Variants in PLXND1 observed in about 807,000 individuals in gnomAD.
The protein encoded by PLXND1 is plexin D1.
In PLXND1, 54 loss-of-function variants were observed where a neutral mutation model predicts 197.7. The observed-to-expected ratio is 0.27, with a 90% CI of 0.22 to 0.34. The LOEUF (loss-of-function observed/expected upper bound fraction) is 0.34, where lower values mean the gene tolerates loss of function less well. PLXND1 is among the 10% of genes least tolerant of loss of function. The probability of loss-of-function intolerance (pLI) is 1.00; values close to 1 mark genes in which losing one functional copy is unlikely to be tolerated. For missense variants in PLXND1, 2,127 were observed against 2,699.2 expected (o/e 0.79, Z 4.70); for synonymous variants, 1,180 against 1,161.2 (o/e 1.02, Z -0.33).
rs1418027497 is a variant in PLXND1, at chr3:129,558,808, A to AC, written c.5298-234dup. Reference sequence around the variant, plus strand: ...GGCAGGAGCTACAGGGCTTAGCTGTACCCCCCAACCCCCTCCTGAGCCTCC... The same window carrying AC: ...GGCAGGAGCTACAGGGCTTAGCTGTACCCCCCCAACCCCCTCCTGAGCCTCC... On this transcript the variant is annotated intron_variant, in intron 32 of 35. Coordinates refer to ENST00000324093, the MANE Select transcript of PLXND1 (RefSeq NM_015103.3). The surrounding 1 kb of genome is among the most constrained non-coding windows in gnomAD (Gnocchi z 4.1). 4.3e-6 allele frequency: 2 copies of AC among 470,468 alleles called. No individual in the cohort carries two copies. The highest frequency in any genetic ancestry group is 2.8e-5 in the South Asian group (1 of 35,588). 29.1% of individuals were successfully genotyped at this position (470,468 alleles called of 1,614,324 possible). A position where few individuals can be genotyped will look rare whatever the true frequency, so the allele number is the denominator to read the frequency against.
At chr3:129,581,618 C>G (rs1303352309) in intron 8 of PLXND1, among the ~76,000 whole-genome samples, 1 of 152,286 alleles carries the variant, frequency 6.6e-6, no homozygotes, top group Non-Finnish European at 1.5e-5. Context: ...AATTCCAGAT[C>G]CCCACCAAAC....
intron 25 of PLXND1, among the ~76,000 whole-genome samples, chr3:129,564,155 T>A (rs1019080350): frequency 6.6e-6 from 1 of 152,104 alleles, no homozygotes; most frequent in African/African-American, 2.4e-5. Context: ...CAATGGCCCC[T>A]CCCAGGCCCT....
intron 24 of PLXND1, 119 bp from the exon 25 acceptor site, chr3:129,565,657 T>C (rs1290088820): frequency 2.1e-6 from 2 of 965,016 alleles, no homozygotes; most frequent in Non-Finnish European, 1.6e-6. Context: ...TGTGGGTGGG[T>C]CCTGCGAGGG....
At chr3:129,568,591 C>G (rs2085176963) in intron 20 of PLXND1, among the ~76,000 whole-genome samples, 1 of 152,184 alleles carries the variant, frequency 6.6e-6, no homozygotes, top group South Asian at 2.1e-4. Context: ...CTCTGGCACC[C>G]AGGCTGAAGT....
chr3:129,593,322 C>T (rs1002918043), intron 1 of PLXND1, among the ~76,000 whole-genome samples: 1 of 152,222 alleles, frequency 6.6e-6, no homozygotes, highest in African/African-American at 2.4e-5. Flanking sequence ...CTGGAATGTG[C>T]CCACACCTCA....
Position 129,577,221 on chromosome 3 carries a change from ACCG to A in PLXND1, c.2346+1105_2346+1107del. 6.6e-6 allele frequency among the ~76,000 whole-genome samples: 1 copy of A among 151,920 alleles called. No homozygotes were observed. Among genetic ancestry groups the A allele is most frequent in the East Asian group, 2.0e-4 (1 of 5,124 alleles). On this transcript the variant is annotated intron_variant, in intron 9 of 35. Transcript: ENST00000324093. This position sits in a 1 kb window ranked among gnomAD's most constrained non-coding sequence, Gnocchi z 5.0. Reference sequence around the variant, plus strand: ...GTGTAGGCTCAGCAAACAGGCCCCCACCGCTGGGCCTGACTTCAGTGTTCTAGG... The same window carrying A: ...GTGTAGGCTCAGCAAACAGGCCCCCACTGGGCCTGACTTCAGTGTTCTAGG...
chr3:129,606,609 G>A lies in PLXND1; in HGVS notation c.31C>T (p.Leu11Phe), dbSNP rs1345242409. ...CTGGCGGCGGCGGCCCGGGCGCTAA[G>A]GGGTGCGCCGCCCGCGGCGCGAGGA... Reference protein sequence around the residue: MAPRAAGGAPLSARAAAASPP... With the variant: MAPRAAGGAPFSARAAAASPP... The change falls in exon 1 of 36, where the codon CTT becomes TTT. Residue 11 changes from leucine (L) to phenylalanine (F), a missense_variant. Leu to Phe is a conservative substitution (Grantham distance 22). Coordinates refer to ENST00000324093, the MANE Select transcript of PLXND1 (RefSeq NM_015103.3). 1 of 1,180,058 alleles carries A rather than the reference G, an allele frequency of 8.5e-7. No homozygotes were observed. Among genetic ancestry groups the A allele is most frequent in the Non-Finnish European group, 1.0e-6 (1 of 955,262 alleles). 73.1% of individuals were successfully genotyped at this position (1,180,058 alleles called of 1,614,324 possible). A position where few individuals can be genotyped will look rare whatever the true frequency, so the allele number is the denominator to read the frequency against.
At chr3:129,603,317 T>C (rs1402011409) in intron 1 of PLXND1, among the ~76,000 whole-genome samples, 1 of 152,012 alleles carries the variant, frequency 6.6e-6, no homozygotes, top group African/African-American at 2.4e-5. Context: ...CTCAGCTGGG[T>C]GAGTCACTGC....
rs892679856 is a variant in PLXND1, at chr3:129,555,549, A to AT, written c.*762_*763insA. Reference sequence around the variant, plus strand: ...CGTTTTTTAATATATAAAAGCTTTAAAAAAAAAAGTGGTGCTATCTTTAGA... The same window carrying AT: ...CGTTTTTTAATATATAAAAGCTTTAATAAAAAAAAGTGGTGCTATCTTTAGA... On this transcript the variant is annotated 3_prime_UTR_variant, in exon 36 of 36. Transcript: ENST00000324093. 4 of 659,364 alleles carry AT rather than the reference A, an allele frequency of 6.1e-6. No individual in the cohort carries two copies. Among genetic ancestry groups the AT allele is most frequent in the African/African-American group, 5.6e-5 (3 of 53,654 alleles). 40.8% of individuals were successfully genotyped at this position (659,364 alleles called of 1,614,324 possible). A position where few individuals can be genotyped will look rare whatever the true frequency, so the allele number is the denominator to read the frequency against.
chr3:129,570,216 G>A (rs1176651952), intron 19 of PLXND1, among the ~76,000 whole-genome samples: 1 of 152,164 alleles, frequency 6.6e-6, no homozygotes, highest in African/African-American at 2.4e-5. Flanking sequence ...AGCCTGGGAG[G>A]AGTAGTGAGT....
rs1264967258 is a variant in PLXND1, at chr3:129,557,304, C to T, written c.5446-81G>A. 6.7e-7 allele frequency: 1 copy of T among 1,492,708 alleles called. No individual in the cohort carries two copies. 92.5% of individuals were successfully genotyped at this position (1,492,708 alleles called of 1,614,324 possible). A position where few individuals can be genotyped will look rare whatever the true frequency, so the allele number is the denominator to read the frequency against. ...TCGTTTTCTGGATGAGCCCTCATCC[C>T]TCCTGCCACATAAGTGACCTTAGCA... On this transcript the variant is annotated intron_variant, in intron 33 of 35. Transcript: ENST00000324093. The surrounding 1 kb of genome is among the most constrained non-coding windows in gnomAD (Gnocchi z 4.8).
chr3:129,561,074 G>C, intron 29 of PLXND1: 1 of 487,740 alleles, frequency 2.1e-6, no homozygotes, highest in South Asian at 1.5e-5. Flanking sequence ...GAGGGACAGC[G>C]GTGGAGAGAA....
chr3:129,604,689 C>T (rs2085758241), intron 1 of PLXND1, among the ~76,000 whole-genome samples: 1 of 152,230 alleles, frequency 6.6e-6, no homozygotes, highest in Non-Finnish European at 1.5e-5. Flanking sequence ...CCTCAGAGTA[C>T]CGACTCATGC....
intron 1 of PLXND1, among the ~76,000 whole-genome samples, chr3:129,597,111 A>G (rs2085637113): frequency 6.6e-6 from 1 of 152,226 alleles, no homozygotes; most frequent in Admixed American, 6.5e-5. Flanking sequence ...GAAAGAGTTG[A>G]TGCTGCTTTA....
At chr3:129,596,379 T>C (rs1247154617) in intron 1 of PLXND1, among the ~76,000 whole-genome samples, 7 of 152,182 alleles carry the variant, frequency 4.6e-5, no homozygotes, top group Non-Finnish European at 1.0e-4. Context: ...AGCCATTGTT[T>C]AGTTAGCTGG....
In PLXND1 at chr3:129,555,225, G is replaced by A. The variant is rs79523423; in HGVS notation, c.*1087C>T. 2,069 of 409,264 alleles carry A rather than the reference G, an allele frequency of 5.1e-3. 37 individuals carry two copies. Among genetic ancestry groups the A allele is most frequent in the African/African-American group, 0.036 (1,717 of 47,814 alleles). 25.4% of individuals were successfully genotyped at this position (409,264 alleles called of 1,614,324 possible). A position where few individuals can be genotyped will look rare whatever the true frequency, so the allele number is the denominator to read the frequency against. Reference sequence around the variant, plus strand: ...GCTGGAGCCCACAGTAGGTTTGTCCGTAAGGCTTTTATTATAAAGAAGATT... The same window carrying A: ...GCTGGAGCCCACAGTAGGTTTGTCCATAAGGCTTTTATTATAAAGAAGATT... On this transcript the variant is annotated 3_prime_UTR_variant, in exon 36 of 36. Transcript: ENST00000324093.
At chr3:129,597,789 G>A (rs1345968314) in intron 1 of PLXND1, among the ~76,000 whole-genome samples, 2 of 152,240 alleles carry the variant, frequency 1.3e-5, no homozygotes, top group African/African-American at 4.8e-5. Context: ...AGAAGAAAAC[G>A]GCTGTACTTG....
In PLXND1 at chr3:129,570,919, A is replaced by T; in HGVS notation, c.3617T>A (p.Leu1206Gln). The T allele has an allele frequency of 6.2e-7, 1 of 1,614,192 alleles. No individual in the cohort carries two copies. The highest frequency in any genetic ancestry group is 8.5e-7 in the Non-Finnish European group (1 of 1,180,020). ...CCGGTACTCGTGACTCTGGAGCCCC[A>T]GGCTGTCCTGCTCCTTCTGTGGGTG... Reference protein sequence around the residue: ...TLVIHKEQDSLGLQSHEYRVK... With the variant: ...TLVIHKEQDSQGLQSHEYRVK... The change falls in exon 19 of 36, where the codon CTG (leucine) becomes CAG (glutamine). Residue 1206 changes from leucine to glutamine, a missense_variant. By Grantham distance (113) the Leu-to-Gln change is moderately radical. Coordinates refer to ENST00000324093, the MANE Select transcript of PLXND1 (RefSeq NM_015103.3).
chr3:129,586,660 C>T lies in PLXND1; in HGVS notation c.1548G>A (p.Gly516=), dbSNP rs2085466059. Residue 516 remains glycine (G), a synonymous_variant, in exon 3 of 36, where the codon GGG becomes GGA. Coordinates refer to ENST00000324093, the MANE Select transcript of PLXND1 (RefSeq NM_015103.3). ...ACTGCATGACATGGTGCACGGGCTC[C>T]CCATAGGCCACAGTCACCACCCGCC... ...VSRRVVTVAY[G]EPVHHVMQFD... is the part of the protein sequence containing the mutation. The T allele has an allele frequency of 6.3e-7, 1 of 1,588,062 alleles. No individual in the cohort carries two copies. The highest frequency in any genetic ancestry group is 1.3e-5 in the African/African-American group (1 of 74,616).
Sources: gnomAD v4.1 joint callset for allele counts (sites outside exome capture counted in the v4.1 genomes callset) on GRCh38, gnomAD v4.1.1 for gene constraint, Gnocchi (gnomAD v3.1) non-coding constraint, MANE v1.5 for transcripts, NCBI Gene and HGNC (gene_info 2026-07-23, HGNC 2026-07-21) for gene names.